The following ARHGAP8 variants were observed in gnomAD, a reference collection of about 807,000 sequenced individuals.
ARHGAP8 encodes the protein rho GTPase-activating protein 8.
In ARHGAP8, 62 loss-of-function variants were observed where a neutral mutation model predicts 46.1. The ratio of observed to expected loss-of-function variants is 1.34; its 90% CI spans 1.10 to 1.66. The LOEUF (loss-of-function observed/expected upper bound fraction) is 1.66. Ranked by LOEUF, ARHGAP8 falls within the 40% of genes most tolerant of loss-of-function variation. The pLI is 0.00. For synonymous variants in ARHGAP8, 375 were observed against 243.1 expected (o/e 1.54, Z -5.05); for missense variants, 923 against 568.4 (o/e 1.62, Z -6.34).
intron 3 of ARHGAP8, 39 bp from the exon 4 acceptor site, chr22:44,808,268 A>G (rs750646959): frequency 6.3e-7 from 1 of 1,595,726 alleles, no homozygotes; most frequent in Non-Finnish European, 8.6e-7. Context: ...AATAATGAGT[A>G]GGTGATTTTC....
At chr22:44,859,932 G>A (rs1238384248) in intron 11 of ARHGAP8, 98 bp downstream of exon 11, 6 of 1,394,290 alleles carry the variant, frequency 4.3e-6, no homozygotes, top group East Asian at 2.4e-5. Flanking sequence ...TGGGTCTGGG[G>A]TCATGCCCTG....
At chr22:44,808,809 C>CAAA in intron 4 of ARHGAP8, 4 of 322,186 alleles carry the variant, frequency 1.2e-5, no homozygotes, top group East Asian at 1.7e-4. Flanking sequence ...AGTAAAAATA[C>CAAA]AAAAAAAAAA....
intron 3 of ARHGAP8, among the ~76,000 whole-genome samples, chr22:44,807,613 C>T (rs577955942): frequency 1.0e-3 from 154 of 152,302 alleles, no homozygotes; most frequent in Non-Finnish European, 1.8e-3. Flanking sequence ...CCCAGCTCAT[C>T]CTCCTTGTGA....
At chr22:44,757,805 A>ATTT (rs132444) in intron 1 of ARHGAP8, among the ~76,000 whole-genome samples, 100 of 137,006 alleles carry the variant, frequency 7.3e-4, no homozygotes, top group Middle Eastern at 3.8e-3. Flanking sequence ...TGCCTGGCTA[A>ATTT]TTTTTTTTTT....
At chr22:44,812,771 G>A (rs1929428987) in intron 4 of ARHGAP8, among the ~76,000 whole-genome samples, 1 of 152,096 alleles carries the variant, frequency 6.6e-6, no homozygotes, top group Non-Finnish European at 1.5e-5. Context: ...GCTTGGCTTA[G>A]TTGTTCATAT....
At chr22:44,800,261 G>A (rs565127398) in intron 2 of ARHGAP8, among the ~76,000 whole-genome samples, 4 of 151,984 alleles carry the variant, frequency 2.6e-5, no homozygotes, top group South Asian at 4.2e-4. Flanking sequence ...GTGCCACCAC[G>A]CCTGGCTAAT....
intron 7 of ARHGAP8, among the ~76,000 whole-genome samples, chr22:44,831,843 C>G (rs1482618031): frequency 6.6e-6 from 1 of 152,182 alleles, no homozygotes; most frequent in Non-Finnish European, 1.5e-5. Flanking sequence ...CAGTGCCACA[C>G]AATCTTGATT....
At chr22:44,782,005 C>T (rs116372052) in intron 1 of ARHGAP8, among the ~76,000 whole-genome samples, 1,917 of 152,096 alleles carry the variant, frequency 0.013, 38 homozygotes, top group African/African-American at 0.044. Flanking sequence ...TAGCCCTTCT[C>T]TTTTAAATTG....
At chr22:44,803,969 G>T (rs1355971346) in intron 3 of ARHGAP8, among the ~76,000 whole-genome samples, 3 of 151,592 alleles carry the variant, frequency 2.0e-5, no homozygotes, top group African/African-American at 7.3e-5. Flanking sequence ...TGACCCCCAG[G>T]CCACCAGACC....
chr22:44,800,588 TG>T (rs1220464169), intron 2 of ARHGAP8, among the ~76,000 whole-genome samples: 3,368 of 89,084 alleles, frequency 0.038, 123 homozygotes, highest in East Asian at 0.13. Context: ...TGTCCATGTG[TG>T]GGGGGCGCCC....
At chr22:44,776,313 A>G (rs1926413151) in intron 1 of ARHGAP8, among the ~76,000 whole-genome samples, 1 of 152,146 alleles carries the variant, frequency 6.6e-6, no homozygotes, top group African/African-American at 2.4e-5. Context: ...TTAGCCGAGC[A>G]TGGTGGCGGG....
chr22:44,848,100 C>G (rs148561103), intron 9 of ARHGAP8, 50 bp downstream of exon 9: 1 of 1,596,814 alleles, frequency 6.3e-7, no homozygotes, highest in Non-Finnish European at 8.5e-7. Context: ...TCAGCGAGCA[C>G]AGCGCTCCGG....
chr22:44,808,869 G>A (rs1462760647), intron 4 of ARHGAP8: 6 of 364,240 alleles, frequency 1.6e-5, no homozygotes, highest in African/African-American at 1.1e-4. Context: ...CCAGGCTGGA[G>A]TGCAGTGGTG....
intron 3 of ARHGAP8, among the ~76,000 whole-genome samples, chr22:44,802,775 C>G (rs1928648070): frequency 6.6e-6 from 1 of 152,188 alleles, no homozygotes; most frequent in African/African-American, 2.4e-5. Context: ...TCATTCCTAT[C>G]TCTGCCTCGG....
chr22:44,795,544 C>T (rs1215874580), intron 2 of ARHGAP8, among the ~76,000 whole-genome samples: 2 of 152,134 alleles, frequency 1.3e-5, no homozygotes, highest in East Asian at 3.9e-4. Context: ...CAGCACAAAG[C>T]CCCCTCACCA....
At chr22:44,783,946 C>T (rs1020506983) in intron 1 of ARHGAP8, among the ~76,000 whole-genome samples, 4 of 152,134 alleles carry the variant, frequency 2.6e-5, no homozygotes, top group African/African-American at 7.2e-5. Flanking sequence ...CTTGTAAGGA[C>T]CCCCTGCAAT....
chr22:44,787,441 G>A (rs1569144874), intron 2 of ARHGAP8, among the ~76,000 whole-genome samples: 1 of 152,146 alleles, frequency 6.6e-6, no homozygotes, highest in Admixed American at 6.5e-5. Flanking sequence ...TGCCTCCCGG[G>A]TTCAAGAGAT....
intron 1 of ARHGAP8, among the ~76,000 whole-genome samples, chr22:44,771,291 G>A (rs1250033567): frequency 8.0e-6 from 1 of 125,064 alleles, no homozygotes; most frequent in African/African-American, 2.9e-5. Flanking sequence ...CTGTCGCCCA[G>A]GCTGGAGTGC....
chr22:44,774,518 A>G (rs1314342006), intron 1 of ARHGAP8, among the ~76,000 whole-genome samples: 1 of 119,504 alleles, frequency 8.4e-6, no homozygotes, highest in Non-Finnish European at 1.7e-5. Flanking sequence ...TCTTTGGGAG[A>G]TTTTTTTTTT....
Sources: gnomAD v4.1 joint callset for allele counts (sites outside exome capture counted in the v4.1 genomes callset) on GRCh38, gnomAD v4.1.1 for gene constraint, MANE v1.5 for transcripts, NCBI Gene and HGNC (gene_info 2026-07-23, HGNC 2026-07-21) for gene names.